The following FER variants were observed in gnomAD, a reference collection of about 807,000 sequenced individuals.
FER encodes tyrosine-protein kinase Fer.
FER carries 63 observed loss-of-function variants against 111.0 expected under a neutral mutation model. The ratio of observed to expected loss-of-function variants is 0.57; its 90% confidence interval spans 0.46 to 0.70. The LOEUF is 0.70. Ranked by LOEUF, FER falls within the 30% of genes least tolerant of loss-of-function variation. The pLI is 0.00. For synonymous variants in FER, 327 were observed against 313.9 expected, an observed-to-expected ratio of 1.04 and a Z score of -0.44; for missense variants, 914 against 954.0, an observed-to-expected ratio of 0.96 and a Z score of 0.55.
At chr5:108,944,213 T>A (rs567482638) in intron 10 of FER, among the ~76,000 whole-genome samples, 10 of 152,202 alleles carry the variant, frequency 6.6e-5, no homozygotes, top group Non-Finnish European at 1.2e-4. Flanking sequence ...AAACTGATAC[T>A]GTACCTAGAA....
At chr5:109,085,547 T>C (rs1270761725) in intron 16 of FER, among the ~76,000 whole-genome samples, 2 of 151,640 alleles carry the variant, frequency 1.3e-5, no homozygotes, top group East Asian at 3.8e-4. Flanking sequence ...TTCCATTTTT[T>C]TCTGAATTAT....
rs1759095227 is a variant in FER at position 109,188,255 on chromosome 5, T to TCATCCCTGCCATGAGATTA, written c.*683_*684insCCCTGCCATGAGATTACAT. 1 of 142,340 alleles carries TCATCCCTGCCATGAGATTA rather than the reference T, an allele frequency of 7.0e-6. No homozygotes were observed. The highest frequency in any genetic ancestry group is 2.2e-4 in the East Asian group (1 of 4,620). The allele number at this position is 142,340 out of a possible 1,614,324, so 8.8% of individuals were successfully genotyped here. ...CGCCTGTAATCCCAGGCATGTAATC[T>TCATCCCTGCCATGAGATTA]CATGCCTGGGATTACAGGCGTGAGC... On this transcript the variant is annotated 3_prime_UTR_variant, in exon 20 of 20. Coordinates refer to ENST00000281092, the MANE Select transcript of FER (RefSeq NM_005246.4).
At chr5:109,183,248 GTTTTTT>G (rs10682212) in intron 18 of FER, among the ~76,000 whole-genome samples, 2 of 115,668 alleles carry the variant, frequency 1.7e-5, no homozygotes, top group Admixed American at 1.8e-4. Context: ...ATCCTAGCGT[GTTTTTT>G]TTTTTTTTTT....
chr5:108,843,471 C>T (rs1761484442), intron 5 of FER, among the ~76,000 whole-genome samples: 1 of 151,696 alleles, frequency 6.6e-6, no homozygotes, highest in East Asian at 1.9e-4. Flanking sequence ...TTGGTAAATG[C>T]CAGAGATATA....
intron 10 of FER, among the ~76,000 whole-genome samples, chr5:108,925,924 C>A (rs1366360184): frequency 6.6e-6 from 1 of 151,916 alleles, no homozygotes; most frequent in East Asian, 1.9e-4. Context: ...ATAATAATGT[C>A]TCTGAAGCCT....
At chr5:108,966,716 A>G (rs1337956682) in intron 13 of FER, among the ~76,000 whole-genome samples, 3 of 151,994 alleles carry the variant, frequency 2.0e-5, no homozygotes, top group Non-Finnish European at 4.4e-5. Context: ...ATATGCATGG[A>G]CTTTGGAAAG....
At chr5:109,025,028 T>C (rs1768493422) in intron 13 of FER, among the ~76,000 whole-genome samples, 1 of 152,110 alleles carries the variant, frequency 6.6e-6, no homozygotes. Context: ...TGTAGCTTTG[T>C]AGTATAGTTT....
At chr5:109,007,898 T>G (rs939900601) in intron 13 of FER, among the ~76,000 whole-genome samples, 2 of 152,202 alleles carry the variant, frequency 1.3e-5, no homozygotes, top group African/African-American at 4.8e-5. Flanking sequence ...TTCCAGTGAC[T>G]CCACATTTTT....
chr5:108,797,720 G>A (rs1214278148), intron 2 of FER, among the ~76,000 whole-genome samples: 8 of 152,218 alleles, frequency 5.3e-5, no homozygotes, highest in Admixed American at 5.2e-4. Context: ...TGATTTTTGT[G>A]TGTGTAAATA....
At chr5:108,875,036 C>T (rs571197368) in intron 8 of FER, among the ~76,000 whole-genome samples, 1 of 152,186 alleles carries the variant, frequency 6.6e-6, no homozygotes, top group South Asian at 2.1e-4. Flanking sequence ...TGACATGTAC[C>T]TGATAAAGTT....
At chr5:108,910,148 T>C (rs1407909452) in intron 10 of FER, among the ~76,000 whole-genome samples, 1 of 152,148 alleles carries the variant, frequency 6.6e-6, no homozygotes, top group Non-Finnish European at 1.5e-5. Context: ...AAGATATTCA[T>C]AATAGATTAA....
chr5:108,921,079 A>G (rs138621347), intron 10 of FER, among the ~76,000 whole-genome samples: 40 of 152,258 alleles, frequency 2.6e-4, no homozygotes, highest in Non-Finnish European at 5.0e-4. Context: ...TTCAGGTCAA[A>G]TGATACTTCT....
chr5:109,090,283 T>A (rs1778021924), intron 16 of FER, among the ~76,000 whole-genome samples: 1 of 152,032 alleles, frequency 6.6e-6, no homozygotes, highest in African/African-American at 2.4e-5. Context: ...ACATGCACAA[T>A]CTCAAGTCAC....
chr5:109,173,130 C>G (rs1757316993), intron 17 of FER, among the ~76,000 whole-genome samples: 1 of 152,172 alleles, frequency 6.6e-6, no homozygotes, highest in Non-Finnish European at 1.5e-5. Flanking sequence ...CCAGAATTCT[C>G]TTACAGGGAA....
intron 17 of FER, among the ~76,000 whole-genome samples, chr5:109,168,228 G>A (rs140481951): frequency 6.6e-6 from 1 of 152,322 alleles, no homozygotes; most frequent in African/African-American, 2.4e-5. Context: ...AAGACTGGGA[G>A]TTGACTGTGA....
rs12152788 is a variant in FER at position 109,010,202 on chromosome 5, G to A, written c.1657-27220G>A. ...TTTTTTTGAGACAGCCTGTCGCCCA[G>A]GCTAGAGTGCAGTGGCACAATCTCG... On this transcript the variant is annotated intron_variant, in intron 13 of 19. Coordinates refer to ENST00000281092, the MANE Select transcript of FER (RefSeq NM_005246.4). Among the ~76,000 whole-genome samples the A allele has an allele frequency of 7.6e-3, 1,160 of 152,112 alleles. 11 individuals are homozygous for A. The highest frequency in any genetic ancestry group is 0.011 in the Non-Finnish European group (744 of 67,984).
chr5:108,894,823 A>T (rs1459151759), intron 9 of FER, among the ~76,000 whole-genome samples: 1 of 152,044 alleles, frequency 6.6e-6, no homozygotes, highest in Non-Finnish European at 1.5e-5. Flanking sequence ...AAACCACCAG[A>T]TCTCATGAGA....
intron 3 of FER, among the ~76,000 whole-genome samples, chr5:108,819,087 C>T (rs1758565241): frequency 6.6e-6 from 1 of 151,912 alleles, no homozygotes; most frequent in Admixed American, 6.6e-5. Flanking sequence ...GTGCTCATAG[C>T]TCACTGTAGC....
intron 13 of FER, among the ~76,000 whole-genome samples, chr5:108,997,906 G>A (rs1053502581): frequency 7.9e-5 from 12 of 152,150 alleles, no homozygotes; most frequent in African/African-American, 1.9e-4. Context: ...CTCCCAGTTC[G>A]AAATTCCCTG....
Sources: allele counts gnomAD v4.1 joint callset (sites outside exome capture counted in the v4.1 genomes callset), GRCh38; gene constraint gnomAD v4.1.1; transcripts MANE v1.5; gene names NCBI Gene and HGNC (gene_info 2026-07-23, HGNC 2026-07-21).